FUT8: variants seen among roughly 807,000 people sequenced by gnomAD.
FUT8 encodes the protein fucosyltransferase 8, also known as alpha-(1,6)-fucosyltransferase.
A neutral mutation model predicts 71.3 loss-of-function variants in FUT8; 29 were observed. The ratio of observed to expected loss-of-function variants is 0.41; its 90% CI spans 0.30 to 0.55. The LOEUF (loss-of-function observed/expected upper bound fraction) is 0.55, where lower values mean the gene tolerates loss of function less well. Among genes scored for constraint, FUT8 ranks in the 20% least tolerant of loss-of-function variants. FUT8 has a pLI of 0.34. For missense variants in FUT8, 544 were observed against 702.1 expected, an observed-to-expected ratio of 0.77 and a Z score of 2.55; for synonymous variants, 254 against 239.3, an observed-to-expected ratio of 1.06 and a Z score of -0.57.
chr14:65,363,955 T>G, the FUT8 span, among the ~76,000 whole-genome samples: 3 of 152,226 alleles, frequency 2.0e-5, no homozygotes, highest in African/African-American at 7.2e-5. Context: ...AGAAAAGCTA[T>G]TTTCCCTCCC....
At chr14:65,380,292 G>A in the FUT8 span, among the ~76,000 whole-genome samples, 1 of 152,164 alleles carries the variant, frequency 6.6e-6, no homozygotes, top group East Asian at 1.9e-4. Flanking sequence ...AATAGCATGG[G>A]AAAGACAAGC....
At chr14:65,634,270 C>A (rs1890411526) in intron 6 of FUT8, among the ~76,000 whole-genome samples, 1 of 152,048 alleles carries the variant, frequency 6.6e-6, no homozygotes, top group Non-Finnish European at 1.5e-5. Flanking sequence ...TTACCCCCAA[C>A]CCTGTGCTCT....
At chr14:65,449,581 G>GT (rs1264519100) in intron 1 of FUT8, among the ~76,000 whole-genome samples, 2 of 152,188 alleles carry the variant, frequency 1.3e-5, no homozygotes, top group African/African-American at 4.8e-5. Flanking sequence ...TCCTTCTTGT[G>GT]TTTTCTCTCT....
intron 6 of FUT8, among the ~76,000 whole-genome samples, chr14:65,650,889 A>T (rs188393295): frequency 1.1e-4 from 17 of 152,276 alleles, no homozygotes; most frequent in African/African-American, 3.9e-4. Flanking sequence ...ATATCTATCC[A>T]GTTGCAGTCC....
At chr14:65,596,107 T>C (rs1022620934) in intron 3 of FUT8, among the ~76,000 whole-genome samples, 5 of 152,236 alleles carry the variant, frequency 3.3e-5, no homozygotes, top group Non-Finnish European at 7.3e-5. Context: ...CTAAAACCTT[T>C]GGCAGTAGAA....
chr14:65,370,053 A>G, the FUT8 span, among the ~76,000 whole-genome samples: 1 of 151,930 alleles, frequency 6.6e-6, no homozygotes, highest in Non-Finnish European at 1.5e-5. Flanking sequence ...TATAATAATG[A>G]TAGATGCTAG....
chr14:65,391,097 A>G, the FUT8 span, among the ~76,000 whole-genome samples: 1 of 152,188 alleles, frequency 6.6e-6, no homozygotes, highest in South Asian at 2.1e-4. Flanking sequence ...CATCTGGAAC[A>G]TGAGGGAAAG....
chr14:65,742,139 C>G lies in FUT8; in HGVS notation c.1457C>G (p.Ala486Gly). Residue 486 changes from alanine to glycine, a missense_variant, in exon 11 of 11, where the codon GCC becomes GGC. Ala to Gly is a moderately conservative substitution (Grantham distance 60). Coordinates refer to ENST00000673929, the MANE Select transcript of FUT8 (RefSeq NM_001371533.1). The part of the protein sequence containing the change: ...YEIMQTLHPD[A>G]SANFHSLDDI... Reference sequence around the variant, plus strand: ...ATTATGCAAACACTACATCCTGATGCCTCTGCAAACTTCCATTCTTTAGAT... The same window carrying G: ...ATTATGCAAACACTACATCCTGATGGCTCTGCAAACTTCCATTCTTTAGAT... The G allele has an allele frequency of 1.2e-6, 2 of 1,612,990 alleles. No individual in the cohort carries two copies. The highest frequency in any genetic ancestry group is 1.7e-6 in the Non-Finnish European group (2 of 1,179,304).
intron 2 of FUT8, among the ~76,000 whole-genome samples, chr14:65,523,283 G>A (rs931645643): frequency 6.6e-5 from 10 of 152,266 alleles, no homozygotes; most frequent in Admixed American, 5.9e-4. Context: ...GTGTGAGATG[G>A]TATCTCATTG....
At chr14:65,616,119 C>T in intron 4 of FUT8, 26 bp downstream of exon 4, 1 of 1,605,804 alleles carries the variant, frequency 6.2e-7, no homozygotes. Flanking sequence ...GTGTTTTCCC[C>T]TCCTCAGTAT....
chr14:65,575,711 C>T (rs116111876), intron 3 of FUT8, among the ~76,000 whole-genome samples: 2,424 of 151,846 alleles, frequency 0.016, 65 homozygotes, highest in African/African-American at 0.055. Flanking sequence ...CTCCACCTCC[C>T]GGGTTCAAGC....
the FUT8 span, among the ~76,000 whole-genome samples, chr14:65,402,369 T>TA: frequency 4.9e-4 from 70 of 143,466 alleles, no homozygotes; most frequent in South Asian, 6.6e-4. Flanking sequence ...CCCAGCTAAT[T>TA]AAAAAAAAAA....
At chr14:65,521,910 G>A (rs1883104941) in intron 2 of FUT8, among the ~76,000 whole-genome samples, 1 of 150,702 alleles carries the variant, frequency 6.6e-6, no homozygotes, top group African/African-American at 2.4e-5. Context: ...ATTATTTCAA[G>A]CTACAGAGGT....
chr14:65,521,870 T>TC (rs1004375015), intron 2 of FUT8, among the ~76,000 whole-genome samples: 10 of 66,848 alleles, frequency 1.5e-4, no homozygotes, highest in African/African-American at 2.1e-4. Flanking sequence ...ATCTTCTTCT[T>TC]TTTTTTTTTT....
chr14:65,428,315 A>G (rs1395667791), intron 1 of FUT8, among the ~76,000 whole-genome samples: 1 of 152,146 alleles, frequency 6.6e-6, no homozygotes, highest in East Asian at 1.9e-4. Flanking sequence ...GTTGAGACCT[A>G]ACCTTCACTT....
intron 7 of FUT8, among the ~76,000 whole-genome samples, chr14:65,677,151 T>TGTGTGTGCGTGCGCGCGCGC: frequency 3.6e-5 from 4 of 110,702 alleles, no homozygotes; most frequent in Non-Finnish European, 7.2e-5. Flanking sequence ...TGTGTGTGTG[T>TGTGTGTGCGTGCGCGCGCGC]GCGCGCGCGC....
chr14:65,585,329 G>A (rs973945715), intron 3 of FUT8, among the ~76,000 whole-genome samples: 8 of 152,104 alleles, frequency 5.3e-5, no homozygotes, highest in African/African-American at 1.7e-4. Context: ...TGGAGGACAG[G>A]CATTGAGCCA....
rs953044627 is a variant in FUT8, at chr14:65,743,512, G to A, written c.*1102G>A. 2.6e-5 allele frequency: 4 copies of A among 151,768 alleles called. No individual in the cohort carries two copies. Among genetic ancestry groups the A allele is most frequent in the Admixed American group, 6.6e-5 (1 of 15,228 alleles). The allele number at this position is 151,768 out of a possible 1,614,324, so 9.4% of individuals were successfully genotyped here. A position where few individuals can be genotyped will look rare whatever the true frequency, so the allele number is the denominator to read the frequency against. On this transcript the variant is annotated 3_prime_UTR_variant, in exon 11 of 11. Transcript: ENST00000673929. ...AGTCTTTCTTAATGTATTTATTATC[G>A]CTTTTTGTGAGTAGGGTCCTGTTTT...
At chr14:65,562,608 T>C (rs1252116376) in intron 3 of FUT8, among the ~76,000 whole-genome samples, 1 of 152,136 alleles carries the variant, frequency 6.6e-6, no homozygotes, top group South Asian at 2.1e-4. Context: ...AAGATGATCA[T>C]GTAGTACTCA....
Sources: gnomAD v4.1 joint callset for allele counts (sites outside exome capture counted in the v4.1 genomes callset) on GRCh38, gnomAD v4.1.1 for gene constraint, MANE v1.5 for transcripts, NCBI Gene and HGNC (gene_info 2026-07-23, HGNC 2026-07-21) for gene names.